DNAJC1: variants seen among roughly 807,000 people sequenced by gnomAD.
DNAJC1 encodes the protein dnaJ homolog subfamily C member 1.
In DNAJC1, 58 loss-of-function variants were observed where a neutral mutation model predicts 76.6. That is an observed-to-expected ratio of 0.76 (90% CI 0.61 to 0.94). The LOEUF is 0.94. DNAJC1 is among the 40% of genes least tolerant of loss of function. The probability of loss-of-function intolerance (pLI) is 0.00; values close to 1 mark genes in which losing one functional copy is unlikely to be tolerated. For synonymous variants in DNAJC1, 258 were observed against 267.9 expected, an observed-to-expected ratio of 0.96 and a Z score of 0.36; for missense variants, 689 against 677.3, an observed-to-expected ratio of 1.02 and a Z score of -0.19.
At chr10:21,756,817 G>A in intron 11 of DNAJC1, 62 bp from the exon 12 acceptor site, 2 of 1,497,866 alleles carry the variant, frequency 1.3e-6, no homozygotes. Flanking sequence ...TGGTCATCAT[G>A]TGGCCGGTCT....
intron 1 of DNAJC1, among the ~76,000 whole-genome samples, chr10:21,942,805 C>CAAAAAAAAAA: frequency 2.2e-5 from 1 of 45,420 alleles, no homozygotes. Context: ...GACTCCATCT[C>CAAAAAAAAAA]AAAAAAAAAA....
chr10:21,935,163 A>G (rs1364101384), intron 1 of DNAJC1, among the ~76,000 whole-genome samples: 2 of 152,192 alleles, frequency 1.3e-5, no homozygotes, highest in Non-Finnish European at 2.9e-5. Context: ...GGATGTCCAC[A>G]TATTGCATTT....
chr10:21,949,221 G>A (rs953277628), intron 1 of DNAJC1, among the ~76,000 whole-genome samples: 4 of 152,062 alleles, frequency 2.6e-5, no homozygotes, highest in East Asian at 3.9e-4. Flanking sequence ...ATACCTATGA[G>A]AACCAGAAAT....
At chr10:21,772,850 G>A (rs139382014) in intron 9 of DNAJC1, among the ~76,000 whole-genome samples, 1 of 152,138 alleles carries the variant, frequency 6.6e-6, no homozygotes, top group African/African-American at 2.4e-5. Context: ...TGTACAGGAA[G>A]CGTGGCAGCA....
chr10:21,944,018 T>C (rs1837463984), intron 1 of DNAJC1, among the ~76,000 whole-genome samples: 1 of 151,918 alleles, frequency 6.6e-6, no homozygotes, highest in African/African-American at 2.4e-5. Flanking sequence ...CAAGTACATC[T>C]CATTGGCCAA....
At position 21,838,932 on chromosome 10, in the gene DNAJC1, C is replaced by T. The variant is rs143793819; in HGVS notation, c.979-32833G>A. Among the ~76,000 whole-genome samples, 1,077 of 152,262 alleles carry T rather than the reference C, an allele frequency of 7.1e-3. 13 individuals carry two copies. The highest frequency in any genetic ancestry group is 0.024 in the African/African-American group (1,008 of 41,542). On this transcript the variant is annotated intron_variant, in intron 8 of 11. Transcript: ENST00000376980. ...ACCACAGTGCAATCAAACTAGAACTCGGGATTAAGAAACTCACTCAAAACC... is the reference window on the plus strand; with the variant it reads ...ACCACAGTGCAATCAAACTAGAACTTGGGATTAAGAAACTCACTCAAAACC...
At chr10:21,854,317 A>G (rs148663117) in intron 8 of DNAJC1, among the ~76,000 whole-genome samples, 4,276 of 150,644 alleles carry the variant, frequency 0.028, 96 homozygotes, top group Middle Eastern at 0.062. Flanking sequence ...ACCTTACATT[A>G]TAAAAGGACT....
intron 6 of DNAJC1, among the ~76,000 whole-genome samples, chr10:21,918,067 T>C (rs1836982320): frequency 6.6e-6 from 1 of 151,990 alleles, no homozygotes; most frequent in African/African-American, 2.4e-5. Context: ...CCTCAAAATC[T>C]GTACACCAAA....
intron 1 of DNAJC1, among the ~76,000 whole-genome samples, chr10:21,945,572 G>A (rs751289000): frequency 3.9e-5 from 6 of 152,018 alleles, no homozygotes; most frequent in Non-Finnish European, 7.4e-5. Context: ...CCATTAGCAG[G>A]AAAAAGGAGA....
intron 8 of DNAJC1, among the ~76,000 whole-genome samples, chr10:21,852,121 AC>A (rs1835767101): frequency 6.6e-6 from 1 of 150,952 alleles, no homozygotes; most frequent in Non-Finnish European, 1.5e-5. Flanking sequence ...ACACACACAC[AC>A]ACACACACAC....
chr10:21,880,025 C>G (rs1383734151), intron 8 of DNAJC1, among the ~76,000 whole-genome samples: 2 of 152,242 alleles, frequency 1.3e-5, no homozygotes, highest in African/African-American at 2.4e-5. Context: ...ACAGAATATT[C>G]TCAATCCTTT....
intron 8 of DNAJC1, among the ~76,000 whole-genome samples, chr10:21,832,390 T>A (rs898333539): frequency 1.3e-5 from 2 of 152,212 alleles, no homozygotes; most frequent in Non-Finnish European, 2.9e-5. Context: ...ATTTCTTAAA[T>A]TCTACATTAA....
chr10:21,882,421 T>A lies in DNAJC1; in HGVS notation c.839A>T (p.Lys280Ile). Residue 280 changes from lysine (K) to isoleucine (I), a missense_variant, in exon 8 of 12, where the codon AAA becomes ATA. Coordinates refer to ENST00000376980, the MANE Select transcript of DNAJC1 (RefSeq NM_022365.4). The part of the protein sequence containing the change: ...ETLQKQKKVK[K>I]PKPEFPVYTP... ...GTATACAGGAAATTCAGGTTTTGGT[T>A]TTTTAACTTTCTTCTGTTCTAAAAA... is the stretch of plus-strand genomic sequence containing the variant. 1 of 1,506,886 alleles carries A rather than the reference T, an allele frequency of 6.6e-7. No individual in the cohort carries two copies. Among genetic ancestry groups the A allele is most frequent in the Non-Finnish European group, 8.8e-7 (1 of 1,131,850 alleles). 93.3% of individuals were successfully genotyped at this position (1,506,886 alleles called of 1,614,324 possible). A position where few individuals can be genotyped will look rare whatever the true frequency, so the allele number is the denominator to read the frequency against.
chr10:21,891,765 A>C (rs980195275), intron 7 of DNAJC1, among the ~76,000 whole-genome samples: 4 of 152,214 alleles, frequency 2.6e-5, no homozygotes, highest in African/African-American at 9.6e-5. Context: ...AGATGAAGGA[A>C]AACTAAAATA....
At chr10:21,788,909 G>A (rs1834646268) in intron 9 of DNAJC1, among the ~76,000 whole-genome samples, 1 of 152,152 alleles carries the variant, frequency 6.6e-6, no homozygotes, top group Admixed American at 6.5e-5. Flanking sequence ...AGGTGCCTCA[G>A]AGTCACAGAT....
At chr10:21,833,098 C>T (rs1835387464) in intron 8 of DNAJC1, among the ~76,000 whole-genome samples, 1 of 152,216 alleles carries the variant, frequency 6.6e-6, no homozygotes, top group Admixed American at 6.5e-5. Context: ...TTAAACCTCT[C>T]ACAAAGTACA....
intron 9 of DNAJC1, among the ~76,000 whole-genome samples, chr10:21,800,551 T>G (rs1245660310): frequency 2.0e-5 from 3 of 152,218 alleles, no homozygotes; most frequent in Non-Finnish European, 4.4e-5. Context: ...CGATAGGATA[T>G]TCTTTAATGA....
intron 1 of DNAJC1, among the ~76,000 whole-genome samples, chr10:21,999,838 C>G (rs1201885659): frequency 1.3e-5 from 2 of 152,204 alleles, no homozygotes; most frequent in East Asian, 3.9e-4. Flanking sequence ...CCTTGGTGAA[C>G]TCATCCAGTT....
chr10:21,943,203 G>A (rs1258488368), intron 1 of DNAJC1, among the ~76,000 whole-genome samples: 1 of 151,322 alleles, frequency 6.6e-6, no homozygotes, highest in Non-Finnish European at 1.5e-5. Context: ...CCCAGGCCAA[G>A]AAAACAGAAA....
Sources: allele counts gnomAD v4.1 joint callset (sites outside exome capture counted in the v4.1 genomes callset), GRCh38; gene constraint gnomAD v4.1.1; transcripts MANE v1.5; gene names NCBI Gene and HGNC (gene_info 2026-07-23, HGNC 2026-07-21).